The following DLC1 variants were observed in gnomAD, a reference collection of about 807,000 sequenced individuals.
DLC1 encodes the protein DLC1 Rho GTPase activating protein.
A neutral mutation model predicts 140.3 loss-of-function variants in DLC1; 54 were observed. The observed-to-expected ratio is 0.38, with a 90% CI of 0.31 to 0.48. The LOEUF is 0.48. Among genes scored for constraint, DLC1 ranks in the 20% least tolerant of loss-of-function variants. The pLI is 0.96. For missense variants in DLC1, 2,536 were observed against 1,907.0 expected, an observed-to-expected ratio of 1.33 and a Z score of -6.14; for synonymous variants, 986 against 728.1, an observed-to-expected ratio of 1.35 and a Z score of -5.70.
At chr8:13,567,122 G>T (rs749094023) in intron 1 of DLC1, 8 of 1,551,620 alleles carry the variant, frequency 5.2e-6, no homozygotes, top group Admixed American at 3.9e-5. Flanking sequence ...TCTGGAGGAC[G>T]GCAGTCCTCG....
intron 1 of DLC1, chr8:13,558,616 C>G (rs1804137635): frequency 6.6e-6 from 1 of 152,148 alleles, no homozygotes; most frequent in Non-Finnish European, 1.5e-5. Flanking sequence ...GACACAAAAT[C>G]TAACCACAGT....
At chr8:13,209,397 GACATAGGAAAAGTAGC>G (rs1397186974) in intron 5 of DLC1, among the ~76,000 whole-genome samples, 1 of 152,070 alleles carries the variant, frequency 6.6e-6, no homozygotes, top group Admixed American at 6.6e-5. Context: ...ATGAGATACG[GACATAGGAAAAGTAGC>G]TAAGCTCACT....
rs189394026 is a variant in DLC1, at chr8:13,146,260, G to A, written c.1349-30603C>T. Among the ~76,000 whole-genome samples, 681 of 140,532 alleles carry A rather than the reference G, an allele frequency of 4.8e-3. 3 individuals are homozygous for A. Among genetic ancestry groups the A allele is most frequent in the African/African-American group, 0.016 (631 of 38,876 alleles). The allele number at this position is 140,532 out of a possible 152,430, so 92.2% of individuals were successfully genotyped here. A position where few individuals can be genotyped will look rare whatever the true frequency, so the allele number is the denominator to read the frequency against. ...ACTGCACTGCAGCCTGGGCAACAGA[G>A]CAAGACTCCATCTCAAAAAAAAAAA... is the stretch of plus-strand genomic sequence containing the variant. On this transcript the variant is annotated intron_variant, in intron 5 of 17. Coordinates refer to ENST00000276297, the MANE Select transcript of DLC1 (RefSeq NM_182643.3).
At chr8:13,495,583 TG>T (rs2117183271) in intron 2 of DLC1, among the ~76,000 whole-genome samples, 1 of 152,298 alleles carries the variant, frequency 6.6e-6, no homozygotes, top group South Asian at 2.1e-4. Flanking sequence ...GGTCAATATT[TG>T]TGATCCCCTA....
intron 5 of DLC1, among the ~76,000 whole-genome samples, chr8:13,136,509 T>C (rs1005816786): frequency 3.3e-5 from 5 of 152,174 alleles, no homozygotes; most frequent in African/African-American, 7.2e-5. Context: ...GCAAAGGACA[T>C]CATTTCATTC....
intron 5 of DLC1, among the ~76,000 whole-genome samples, chr8:13,129,441 C>T (rs551971897): frequency 4.6e-5 from 7 of 152,318 alleles, no homozygotes; most frequent in Admixed American, 3.9e-4. Context: ...CATGAAGGAA[C>T]GTATTTTTTA....
At chr8:13,345,420 G>T (rs1834283228) in intron 4 of DLC1, among the ~76,000 whole-genome samples, 1 of 152,056 alleles carries the variant, frequency 6.6e-6, no homozygotes, top group African/African-American at 2.4e-5. Flanking sequence ...TTACCTGGGA[G>T]TGGCAATGAG....
intron 5 of DLC1, among the ~76,000 whole-genome samples, chr8:13,234,439 A>G (rs1301484182): frequency 1.3e-5 from 2 of 152,178 alleles, no homozygotes; most frequent in African/African-American, 4.8e-5. Context: ...ATCCTAGTTT[A>G]ATTCTGATTA....
rs374827428 is a variant in DLC1 at position 13,583,186 on chromosome 8, C to G, written c.-126+21351G>C. On this transcript the variant is annotated intron_variant, in intron 1 of 1. Transcript: ENST00000631382. ...CCTTTTATGAAAGATTTCCCTGCAG[C>G]ATGAGATGCTGTTTGATAGCATTTT... Among the ~76,000 whole-genome samples the G allele has an allele frequency of 4.9e-4, 74 of 152,142 alleles. 2 individuals are homozygous for G. In the South Asian group the frequency reaches 0.014, roughly 29 times the overall value.
chr8:13,603,558 A>T (rs1455116413), intron 1 of DLC1, among the ~76,000 whole-genome samples: 1 of 152,030 alleles, frequency 6.6e-6, no homozygotes, highest in Non-Finnish European at 1.5e-5. Flanking sequence ...AAAAAGGTGC[A>T]TGTTAAATTT....
At chr8:13,277,945 C>T (rs1831233147) in intron 5 of DLC1, among the ~76,000 whole-genome samples, 1 of 152,236 alleles carries the variant, frequency 6.6e-6, no homozygotes, top group Admixed American at 6.5e-5. Context: ...ATTATTTTCA[C>T]ATATATCTTT....
rs749177789 is a variant in DLC1 at position 13,085,807 on chromosome 8, G to C, written c.*4C>G. ...TGGTGGAAGCGGTTGCGTTGCTTCA[G>C]TGATCACCTAGATTTGGTGTCTTTG... On this transcript the variant is annotated 3_prime_UTR_variant, in exon 18 of 18. Transcript: ENST00000276297. 7 of 1,614,008 alleles carry C rather than the reference G, an allele frequency of 4.3e-6. No homozygotes were observed. Among genetic ancestry groups the C allele is most frequent in the South Asian group, 1.1e-5 (1 of 91,094 alleles).
At chr8:13,193,337 G>C (rs768459954) in intron 5 of DLC1, among the ~76,000 whole-genome samples, 1 of 152,040 alleles carries the variant, frequency 6.6e-6, no homozygotes, top group Non-Finnish European at 1.5e-5. Context: ...ATTGAGTGTC[G>C]CTTTTTGAGT....
At chr8:13,323,172 A>G (rs1043924400) in intron 4 of DLC1, among the ~76,000 whole-genome samples, 2 of 152,158 alleles carry the variant, frequency 1.3e-5, no homozygotes, top group Non-Finnish European at 2.9e-5. Flanking sequence ...GAGATTATAT[A>G]CGTTCATGAT....
chr8:13,380,754 CA>C (rs1303271040), intron 4 of DLC1, among the ~76,000 whole-genome samples: 1 of 152,102 alleles, frequency 6.6e-6, no homozygotes, highest in African/African-American at 2.4e-5. Context: ...CCTAAGGGGA[CA>C]AATTCGATAT....
intron 1 of DLC1, among the ~76,000 whole-genome samples, chr8:13,534,499 T>C (rs2117314129): frequency 6.6e-6 from 1 of 152,306 alleles, no homozygotes; most frequent in African/African-American, 2.4e-5. Context: ...GCGTGGTGTG[T>C]GTGTCCTGCA....
chr8:13,266,309 TA>T (rs1295640070), intron 5 of DLC1, among the ~76,000 whole-genome samples: 1 of 152,236 alleles, frequency 6.6e-6, no homozygotes, highest in Non-Finnish European at 1.5e-5. Context: ...CACATTCTCT[TA>T]CCTGGTACTC....
intron 3 of DLC1, among the ~76,000 whole-genome samples, chr8:13,396,177 G>A (rs1252765654): frequency 6.7e-6 from 1 of 149,280 alleles, no homozygotes; most frequent in Non-Finnish European, 1.5e-5. Context: ...CTCCTGCCTC[G>A]GCCTCCCGAG....
chr8:13,499,714 A>G lies in DLC1; in HGVS notation c.358T>C (p.Cys120Arg), dbSNP rs1801699979. The G allele has an allele frequency of 6.2e-7, 1 of 1,614,066 alleles. No individual in the cohort carries two copies. Among genetic ancestry groups the G allele is most frequent in the South Asian group, 1.1e-5 (1 of 91,086 alleles). Residue 120 changes from cysteine (C) to arginine (R), a missense_variant, in exon 2 of 18, where the codon TGC becomes CGC. Cys to Arg is a radical substitution (Grantham distance 180). Coordinates refer to ENST00000276297, the MANE Select transcript of DLC1 (RefSeq NM_182643.3). ...VSDEDNNADL[C>R]LTDDKQVLNT... is the part of the protein sequence containing the mutation. The stretch of plus-strand genomic sequence containing the variant: ...AAAACCTGTTTATCATCTGTAAGGC[A>G]TAAATCAGCATTGTTATCCTCATCA...
Sources: gnomAD v4.1 joint callset for allele counts (sites outside exome capture counted in the v4.1 genomes callset) on GRCh38, gnomAD v4.1.1 for gene constraint, MANE v1.5 for transcripts, NCBI Gene and HGNC (gene_info 2026-07-23, HGNC 2026-07-21) for gene names.